The following FARP1 variants were observed in gnomAD, a reference collection of about 807,000 sequenced individuals.
FARP1 encodes FERM, ARH/RhoGEF and pleckstrin domain protein 1.
In FARP1, 52 loss-of-function variants were observed where a neutral mutation model predicts 128.8. The observed-to-expected ratio is 0.40, with a 90% confidence interval of 0.32 to 0.51. FARP1 has a LOEUF of 0.51. Among genes scored for constraint, FARP1 ranks in the 20% least tolerant of loss-of-function variants. The pLI is 0.45. For missense variants in FARP1, 1,333 were observed against 1,367.9 expected (o/e 0.97, Z 0.40); for synonymous variants, 580 against 551.8 (o/e 1.05, Z -0.72).
At chr13:98,182,255 T>G (rs1161806500) in intron 1 of FARP1, among the ~76,000 whole-genome samples, 1 of 94,928 alleles carries the variant, frequency 1.1e-5, no homozygotes, top group Non-Finnish European at 2.0e-5. Context: ...TGTTAGTCTT[T>G]TTACTGTTTT....
At chr13:98,349,121 C>T (rs1375762998) in intron 3 of FARP1, among the ~76,000 whole-genome samples, 1 of 152,202 alleles carries the variant, frequency 6.6e-6, no homozygotes, top group Non-Finnish European at 1.5e-5. Flanking sequence ...TGCATTGTGG[C>T]TTGCATATCT....
At chr13:98,394,602 A>G (rs1890442026) in intron 12 of FARP1, among the ~76,000 whole-genome samples, 1 of 152,110 alleles carries the variant, frequency 6.6e-6, no homozygotes, top group South Asian at 2.1e-4. Flanking sequence ...AGGAGTTCAA[A>G]GCCAGCCTGG....
intron 1 of FARP1, among the ~76,000 whole-genome samples, chr13:98,178,256 C>T (rs865870523): frequency 1.5e-5 from 2 of 136,660 alleles, no homozygotes; most frequent in Non-Finnish European, 3.0e-5. Context: ...AGTGCAGTTA[C>T]ATGATCCCGG....
intron 24 of FARP1, among the ~76,000 whole-genome samples, chr13:98,444,315 T>C (rs2139150550): frequency 6.6e-6 from 1 of 151,842 alleles, no homozygotes; most frequent in East Asian, 1.9e-4. Flanking sequence ...GCACGGAGGG[T>C]TTGGACTTGT....
At chr13:98,259,746 G>A (rs1332750939) in intron 2 of FARP1, among the ~76,000 whole-genome samples, 1 of 152,038 alleles carries the variant, frequency 6.6e-6, no homozygotes, top group African/African-American at 2.4e-5. Flanking sequence ...AAAGAGAAGG[G>A]GACAGAGGTT....
chr13:98,440,218 G>T lies in FARP1; in HGVS notation c.2612G>T (p.Ser871Ile). The T allele has an allele frequency of 2.5e-6, 4 of 1,613,536 alleles. No homozygotes were observed. The highest frequency in any genetic ancestry group is 3.4e-6 in the Non-Finnish European group (4 of 1,179,518). The part of the protein sequence containing the change: ...SSSPAPEFLA[S>I]SPPDNKSPDE... ...AGCCCCGCCCCTGAGTTCCTGGCCA[G>T]CAGCCCCCCTGACAACAGTGAGTGT... is the stretch of plus-strand genomic sequence containing the variant. Residue 871 changes from serine to isoleucine, a missense_variant, in exon 23 of 27, where the codon AGC becomes ATC. Physicochemically the swap from Ser to Ile is moderately radical, Grantham distance 142. Around this residue, in one of 2 missense-constraint regions of FARP1, gnomAD observed 1,009 missense variants for 969.8 expected, o/e 1.04. Coordinates refer to ENST00000319562, the MANE Select transcript of FARP1 (RefSeq NM_005766.4).
At chr13:98,383,111 A>G (rs1436030736) in intron 6 of FARP1, among the ~76,000 whole-genome samples, 1 of 152,232 alleles carries the variant, frequency 6.6e-6, no homozygotes, top group Non-Finnish European at 1.5e-5. Context: ...TGATTCAGGA[A>G]TGGCTAATTC....
chr13:98,304,308 G>A (rs574708432), intron 2 of FARP1, among the ~76,000 whole-genome samples: 1 of 152,296 alleles, frequency 6.6e-6, no homozygotes, highest in South Asian at 2.1e-4. Context: ...ATATTTACTA[G>A]GGAGTTTATC....
chr13:98,151,461 G>T (rs1875991614), intron 1 of FARP1, among the ~76,000 whole-genome samples: 1 of 152,012 alleles, frequency 6.6e-6, no homozygotes, highest in African/African-American at 2.4e-5. Flanking sequence ...GTATTGTAAG[G>T]TCAAGAAGGA....
Position 98,449,299 on chromosome 13 carries a change from T to C in FARP1, c.*982T>C, listed in dbSNP as rs1314905360. The C allele has an allele frequency of 1.3e-5, 2 of 152,206 alleles. No homozygotes were observed. The highest frequency in any genetic ancestry group is 2.9e-5 in the Non-Finnish European group (2 of 68,052). 9.4% of individuals were successfully genotyped at this position (152,206 alleles called of 1,614,324 possible). ...TTTGAAACTGCGCATTCTCTAGTAGTATATATCGTGCCTGTCTTCAAAAAC... is the reference window on the plus strand; with the variant it reads ...TTTGAAACTGCGCATTCTCTAGTAGCATATATCGTGCCTGTCTTCAAAAAC... On this transcript the variant is annotated 3_prime_UTR_variant, in exon 27 of 27. Transcript: ENST00000319562.
chr13:98,189,613 G>A (rs1879097120), intron 1 of FARP1, among the ~76,000 whole-genome samples: 1 of 152,256 alleles, frequency 6.6e-6, no homozygotes, highest in African/African-American at 2.4e-5. Flanking sequence ...AGCCCAATAT[G>A]TATTCAAATT....
chr13:98,312,866 G>A (rs147903922), intron 2 of FARP1, among the ~76,000 whole-genome samples: 1 of 152,148 alleles, frequency 6.6e-6, no homozygotes, highest in Non-Finnish European at 1.5e-5. Context: ...GGTCTTTACA[G>A]TGCGGCTTCT....
In FARP1 at chr13:98,450,725, C is replaced by G. The variant is rs1244453559; in HGVS notation, c.*2408C>G. The G allele has an allele frequency of 3.3e-5, 5 of 152,296 alleles. No individual in the cohort carries two copies. The highest frequency in any genetic ancestry group is 5.9e-5 in the Non-Finnish European group (4 of 68,070). The allele number at this position is 152,296 out of a possible 1,614,324, so 9.4% of individuals were successfully genotyped here. A position where few individuals can be genotyped will look rare whatever the true frequency, so the allele number is the denominator to read the frequency against. ...CCGTCTCAAAGGCTGGGCCTGGCTA[C>G]AGACCAGCAGCAGTTGACGCTGAGG... is the stretch of plus-strand genomic sequence containing the variant. On this transcript the variant is annotated 3_prime_UTR_variant, in exon 27 of 27. Coordinates refer to ENST00000319562, the MANE Select transcript of FARP1 (RefSeq NM_005766.4).
chr13:98,368,216 G>T (rs1216562685), intron 5 of FARP1, 21 bp downstream of exon 5: 3 of 1,584,144 alleles, frequency 1.9e-6, no homozygotes, highest in Non-Finnish European at 2.6e-6. Flanking sequence ...TGGAAACTGT[G>T]TATTTTTTGC....
Position 98,452,911 on chromosome 13 carries a change from G to A in FARP1, c.*4594G>A, listed in dbSNP as rs1382348577. On this transcript the variant is annotated 3_prime_UTR_variant, in exon 27 of 27. Coordinates refer to ENST00000319562, the MANE Select transcript of FARP1 (RefSeq NM_005766.4). ...CACTTTCCTGGAATATGTGCACTAT[G>A]GTTAAAATTAAAAACAAAAGTAATA... 1.0e-5 allele frequency: 4 copies of A among 397,170 alleles called. No individual in the cohort carries two copies. Among genetic ancestry groups the A allele is most frequent in the Non-Finnish European group, 1.8e-5 (4 of 223,858 alleles). 24.6% of individuals were successfully genotyped at this position (397,170 alleles called of 1,614,324 possible). A position where few individuals can be genotyped will look rare whatever the true frequency, so the allele number is the denominator to read the frequency against.
intron 12 of FARP1, among the ~76,000 whole-genome samples, chr13:98,394,448 A>G (rs959666206): frequency 7.9e-5 from 12 of 152,092 alleles, no homozygotes; most frequent in Non-Finnish European, 1.8e-4. Context: ...GTGCCTGCCC[A>G]TCCTTCCCTG....
In FARP1 at chr13:98,157,726, T is replaced by C. The variant is rs74242957; in HGVS notation, c.-24+14234T>C. Among the ~76,000 whole-genome samples, 956 of 152,332 alleles carry C rather than the reference T, an allele frequency of 6.3e-3. 6 individuals carry two copies. The highest frequency in any genetic ancestry group is 0.025 in the East Asian group (130 of 5,180). ...CAGCTTATAATTGGCAGAGCAGAGATAGAAGCTCAGGAAGTTTTTCCTCAC... is the reference window on the plus strand; with the variant it reads ...CAGCTTATAATTGGCAGAGCAGAGACAGAAGCTCAGGAAGTTTTTCCTCAC... On this transcript the variant is annotated intron_variant, in intron 1 of 26. Transcript: ENST00000319562.
intron 17 of FARP1, 94 bp downstream of exon 17, chr13:98,424,744 T>A: frequency 1.2e-6 from 1 of 836,540 alleles, no homozygotes; most frequent in Non-Finnish European, 2.0e-6. Context: ...TCCATCAGCA[T>A]GCATCACCTG....
chr13:98,340,350 T>C (rs1434970193), intron 2 of FARP1, among the ~76,000 whole-genome samples: 1 of 152,218 alleles, frequency 6.6e-6, no homozygotes, highest in African/African-American at 2.4e-5. Flanking sequence ...CCACAAGTTC[T>C]TATCCTTTGG....
Sources: gnomAD v4.1 joint callset for allele counts (sites outside exome capture counted in the v4.1 genomes callset) on GRCh38, gnomAD v4.1.1 for gene constraint, gnomAD v4.1.1 regional missense constraint, MANE v1.5 for transcripts, NCBI Gene and HGNC (gene_info 2026-07-23, HGNC 2026-07-21) for gene names.